The following ANO4 variants were observed in gnomAD, a reference collection of about 807,000 sequenced individuals.
ANO4 encodes the protein anoctamin-4.
Under a neutral mutation model 141.9 loss-of-function variants are expected in ANO4, and 69 were observed. The observed-to-expected ratio is 0.49, with a 90% confidence interval of 0.40 to 0.59. ANO4 has a LOEUF of 0.59. Ranked by LOEUF, ANO4 falls within the 20% of genes least tolerant of loss-of-function variation. ANO4 has a pLI of 0.00. For synonymous variants in ANO4, 350 were observed against 394.3 expected (o/e 0.89, Z 1.33); for missense variants, 894 against 1,162.2 (o/e 0.77, Z 3.36).
intron 3 of ANO4, among the ~76,000 whole-genome samples, chr12:100,744,366 G>A (rs980861108): frequency 6.6e-6 from 1 of 152,098 alleles, no homozygotes; most frequent in African/African-American, 2.4e-5. Flanking sequence ...CCAAGATTAG[G>A]GCACTGACCG....
intron 7 of ANO4, among the ~76,000 whole-genome samples, chr12:100,981,044 C>T (rs1373266032): frequency 6.6e-6 from 1 of 152,120 alleles, no homozygotes; most frequent in African/African-American, 2.4e-5. Context: ...TGACTTGATC[C>T]TGGGTGAGGC....
chr12:101,063,998 A>G (rs4106041), intron 14 of ANO4, among the ~76,000 whole-genome samples: 32,890 of 150,458 alleles, frequency 0.22, 3,667 homozygotes, highest in Admixed American at 0.28. Context: ...ATGTTTTTCT[A>G]TTGTTTTTAT....
chr12:101,046,833 A>G (rs2047652311), intron 13 of ANO4, among the ~76,000 whole-genome samples: 1 of 152,216 alleles, frequency 6.6e-6, no homozygotes, highest in African/African-American at 2.4e-5. Context: ...GACCAGCAGG[A>G]GTTACCTGGA....
intron 1 of ANO4, among the ~76,000 whole-genome samples, chr12:100,732,516 G>T (rs2031422323): frequency 6.6e-6 from 1 of 152,078 alleles, no homozygotes; most frequent in African/African-American, 2.4e-5. Context: ...CCCAGTTTGT[G>T]CCCTGTCTTC....
rs139133827 is a variant in ANO4, at chr12:100,800,134, A to G, written c.-141+5107A>G. 4.0e-3 allele frequency among the ~76,000 whole-genome samples: 611 copies of G among 152,326 alleles called. 3 individuals carry two copies. Among genetic ancestry groups the G allele is most frequent in the Admixed American group, 6.6e-3 (101 of 15,302 alleles). ...TTGAAATTCTGCTTTTCCTATAAAC[A>G]TTTAAAGAATTTTACAAAAACTATG... is the stretch of plus-strand genomic sequence containing the variant. On this transcript the variant is annotated intron_variant, in intron 1 of 27. Transcript: ENST00000392977.
chr12:101,000,605 T>C (rs1171183590), intron 8 of ANO4, among the ~76,000 whole-genome samples: 2 of 152,198 alleles, frequency 1.3e-5, no homozygotes, highest in African/African-American at 4.8e-5. Context: ...GGATCCTCAA[T>C]ATTCAGGTTG....
intron 21 of ANO4, among the ~76,000 whole-genome samples, chr12:101,098,754 CAT>C (rs1491351286): frequency 1.3e-5 from 2 of 152,156 alleles, no homozygotes; most frequent in East Asian, 3.8e-4. Flanking sequence ...ATTAAAATGT[CAT>C]AGACATCAAG....
intron 1 of ANO4, among the ~76,000 whole-genome samples, chr12:100,865,290 C>T (rs1157046659): frequency 1.3e-5 from 2 of 152,070 alleles, no homozygotes; most frequent in African/African-American, 4.8e-5. Flanking sequence ...GCAATGACAA[C>T]AAAAGCCAAA....
intron 16 of ANO4, among the ~76,000 whole-genome samples, chr12:101,085,376 T>C (rs957565866): frequency 1.3e-5 from 2 of 152,142 alleles, no homozygotes; most frequent in African/African-American, 4.8e-5. Context: ...GGAAATTTTT[T>C]TTAAAAAAAG....
At chr12:100,823,801 AC>A (rs1270425868) in intron 1 of ANO4, among the ~76,000 whole-genome samples, 1 of 152,058 alleles carries the variant, frequency 6.6e-6, no homozygotes, top group African/African-American at 2.4e-5. Flanking sequence ...GTAGGTAGCC[AC>A]TGCAATAAAA....
chr12:101,068,929 G>A, intron 14 of ANO4: 1 of 810,386 alleles, frequency 1.2e-6, no homozygotes, highest in South Asian at 1.3e-5. Context: ...CAACATCGAA[G>A]CTGCTAAGGA....
chr12:101,023,425 C>T (rs551362345), intron 9 of ANO4, among the ~76,000 whole-genome samples: 1 of 152,244 alleles, frequency 6.6e-6, no homozygotes, highest in East Asian at 1.9e-4. Flanking sequence ...AATCCCAGAA[C>T]TTTGGGAGGC....
At chr12:101,099,511 C>CT in intron 21 of ANO4, 67 bp from the exon 22 acceptor site, 1 of 1,439,644 alleles carries the variant, frequency 6.9e-7, no homozygotes, top group East Asian at 2.4e-5. Context: ...TCAAACTCTC[C>CT]TTTTTCTTAT....
intron 7 of ANO4, among the ~76,000 whole-genome samples, chr12:100,981,062 T>C (rs556167630): frequency 6.6e-6 from 1 of 152,302 alleles, no homozygotes; most frequent in East Asian, 1.9e-4. Flanking sequence ...GGCTTGACAG[T>C]GTGAATGCTG....
chr12:101,111,438 C>T (rs638615), intron 23 of ANO4, 125 bp from the exon 24 acceptor site: 1 of 863,330 alleles, frequency 1.2e-6, no homozygotes, highest in Non-Finnish European at 1.7e-6. Flanking sequence ...CTGGTTGCAA[C>T]TGTCAGTATT....
chr12:100,882,061 A>G (rs1320372198), intron 1 of ANO4, among the ~76,000 whole-genome samples: 1 of 152,232 alleles, frequency 6.6e-6, no homozygotes, highest in Non-Finnish European at 1.5e-5. Flanking sequence ...AATGTTAATG[A>G]TAATAATACC....
chr12:101,096,642 C>A lies in ANO4; in HGVS notation c.1845C>A (p.Leu615=). The A allele has an allele frequency of 6.2e-7, 1 of 1,612,282 alleles. No individual in the cohort carries two copies. The highest frequency in any genetic ancestry group is 8.5e-7 in the Non-Finnish European group (1 of 1,178,698). ...NSSTFYIAFF[L]GRFTGHPGAY... ...CCACATTTTACATCGCATTCTTCCT[C>A]GGAAGGTAAGAACCTGACCCCTGCA... Residue 615 remains leucine, a synonymous_variant, in exon 19 of 28, where the codon CTC becomes CTA. Transcript: ENST00000392977.
chr12:101,123,044 G>A (rs2051157942), intron 26 of ANO4, among the ~76,000 whole-genome samples: 1 of 152,160 alleles, frequency 6.6e-6, no homozygotes, highest in Non-Finnish European at 1.5e-5. Context: ...CTAGTCATAA[G>A]TGGAAATTTC....
intron 4 of ANO4, among the ~76,000 whole-genome samples, chr12:100,941,262 G>A (rs1361882948): frequency 1.1e-4 from 17 of 150,826 alleles, no homozygotes; most frequent in East Asian, 3.9e-4. Context: ...CTAAAACCAC[G>A]GAAGCTACTT....
Sources: allele counts gnomAD v4.1 joint callset (sites outside exome capture counted in the v4.1 genomes callset), GRCh38; gene constraint gnomAD v4.1.1; transcripts MANE v1.5; gene names NCBI Gene and HGNC (gene_info 2026-07-23, HGNC 2026-07-21).